BCAS1: variants seen among roughly 807,000 people sequenced by gnomAD.
The protein encoded by BCAS1 is brain enriched myelin associated protein 1.
Under a neutral mutation model 65.4 loss-of-function variants are expected in BCAS1, and 46 were observed. The observed-to-expected ratio is 0.70, with a 90% CI of 0.55 to 0.90. The LOEUF is 0.90. Ranked by LOEUF, BCAS1 falls within the 40% of genes least tolerant of loss-of-function variation. The pLI is 0.00. For missense variants in BCAS1, 793 were observed against 771.2 expected (o/e 1.03, Z -0.33); for synonymous variants, 298 against 293.5 (o/e 1.02, Z -0.16).
At chr20:54,034,481 C>T (rs915075599) in intron 3 of BCAS1, among the ~76,000 whole-genome samples, 4 of 151,214 alleles carry the variant, frequency 2.6e-5, no homozygotes, top group South Asian at 2.1e-4. Flanking sequence ...CATTTCCATG[C>T]ACCAACAACA....
chr20:53,977,579 T>C (rs532857965), intron 8 of BCAS1, among the ~76,000 whole-genome samples: 40 of 152,246 alleles, frequency 2.6e-4, no homozygotes, highest in Non-Finnish European at 5.3e-4. Context: ...TGGTTGTTCA[T>C]TGCTCACTAT....
intron 4 of BCAS1, among the ~76,000 whole-genome samples, chr20:54,011,306 G>A (rs528027078): frequency 4.6e-5 from 7 of 152,044 alleles, no homozygotes; most frequent in Non-Finnish European, 1.0e-4. Context: ...TAGAGAGTGG[G>A]AGAAAATATT....
At chr20:53,991,377 T>A (rs1358788822) in intron 7 of BCAS1, among the ~76,000 whole-genome samples, 2 of 152,260 alleles carry the variant, frequency 1.3e-5, no homozygotes, top group African/African-American at 4.8e-5. Flanking sequence ...CATAGTCTGC[T>A]TACGCAAATA....
At chr20:54,052,267 C>T (rs1175085276) in intron 3 of BCAS1, among the ~76,000 whole-genome samples, 6 of 152,194 alleles carry the variant, frequency 3.9e-5, no homozygotes, top group South Asian at 2.1e-4. Context: ...AGTGTCTCAA[C>T]CAGCCCCAGC....
At position 53,953,663 on chromosome 20, in the gene BCAS1, C is replaced by A. The variant is rs149163647; in HGVS notation, c.1584G>T (p.Pro528=). 6.8e-6 allele frequency: 11 copies of A among 1,613,638 alleles called. No individual in the cohort carries two copies. The highest frequency in any genetic ancestry group is 8.5e-6 in the Non-Finnish European group (10 of 1,179,976). ...GTGCTCCTGTTGGTTCAGGCTCTGG[C>A]GGTGTGATAGTCTTTTCTGTGGAGT... The part of the protein sequence containing the change: ...TSDSTEKTIT[P]PEPEPTGAPQ... The change falls in exon 12 of 13, where the codon CCG becomes CCT. Residue 528 remains proline (P), a synonymous_variant. Transcript: ENST00000688948.
intron 4 of BCAS1, among the ~76,000 whole-genome samples, chr20:54,010,039 T>C (rs144609013): frequency 3.3e-5 from 5 of 152,314 alleles, no homozygotes; most frequent in Admixed American, 6.5e-5. Flanking sequence ...CCATTCATGA[T>C]AAATCTCTAA....
At chr20:54,052,350 T>C (rs1239569605) in intron 3 of BCAS1, among the ~76,000 whole-genome samples, 1 of 152,202 alleles carries the variant, frequency 6.6e-6, no homozygotes, top group Non-Finnish European at 1.5e-5. Context: ...AGTGGAATCA[T>C]GTAGTATGTT....
rs76186201 is a variant in BCAS1 at position 54,014,436 on chromosome 20, T to C, written c.723+13956A>G. ...TGTAATAAGGCCCATATGGAACTTC[T>C]GGCACTTTCTTTCAACTATTGTCAG... is the stretch of plus-strand genomic sequence containing the variant. On this transcript the variant is annotated intron_variant, in intron 4 of 12. Transcript: ENST00000688948. 3.0e-3 allele frequency among the ~76,000 whole-genome samples: 450 copies of C among 152,360 alleles called. 2 individuals carry two copies. The highest frequency in any genetic ancestry group is 0.01 in the African/African-American group (432 of 41,580).
At chr20:53,969,055 T>C (rs1376515195) in intron 9 of BCAS1, among the ~76,000 whole-genome samples, 26 of 152,194 alleles carry the variant, frequency 1.7e-4, no homozygotes, top group Admixed American at 1.7e-3. Flanking sequence ...GAGGCTGAAA[T>C]ATAGGCAATC....
intron 9 of BCAS1, among the ~76,000 whole-genome samples, chr20:53,968,681 G>A (rs1568824740): frequency 6.6e-6 from 1 of 152,132 alleles, no homozygotes; most frequent in Non-Finnish European, 1.5e-5. Context: ...AACGGAAGTT[G>A]GGGGGTTACA....
chr20:54,022,935 C>T (rs566167106), intron 4 of BCAS1, among the ~76,000 whole-genome samples: 1 of 152,264 alleles, frequency 6.6e-6, no homozygotes, highest in Admixed American at 6.5e-5. Context: ...ATCAAAATCC[C>T]AGTGGTATAG....
intron 7 of BCAS1, among the ~76,000 whole-genome samples, chr20:53,986,700 C>A (rs2090623813): frequency 6.6e-6 from 1 of 152,062 alleles, no homozygotes; most frequent in Non-Finnish European, 1.5e-5. Flanking sequence ...GAGTTCAAGA[C>A]CAGCCTGGGC....
At position 53,944,849 on chromosome 20, in the gene BCAS1, T is replaced by G; in HGVS notation, c.*73A>C. On this transcript the variant is annotated 3_prime_UTR_variant, in exon 13 of 13. Coordinates refer to ENST00000688948, the MANE Select transcript of BCAS1 (RefSeq NM_001366298.2). ...CAGAAGAATATATACATGGAGCGTG[T>G]TTGGGGAGGAGATGGAGTAAGGAGA... 4.4e-6 allele frequency: 6 copies of G among 1,348,852 alleles called. No individual in the cohort carries two copies. Among genetic ancestry groups the G allele is most frequent in the Non-Finnish European group, 6.4e-6 (6 of 938,618 alleles). The allele number at this position is 1,348,852 out of a possible 1,614,324, so 83.6% of individuals were successfully genotyped here.
chr20:54,058,496 C>T (rs2092331067), intron 2 of BCAS1, 151 bp downstream of exon 2: 1 of 1,373,382 alleles, frequency 7.3e-7, no homozygotes, highest in Non-Finnish European at 9.7e-7. Flanking sequence ...GATTCTGACA[C>T]CTTTTAGGTT....
chr20:54,030,885 A>C (rs2299708), intron 3 of BCAS1, among the ~76,000 whole-genome samples: 2 of 151,428 alleles, frequency 1.3e-5, no homozygotes, highest in Non-Finnish European at 3.0e-5. Flanking sequence ...AAAATATTAT[A>C]CTAAAGAAGA....
intron 4 of BCAS1, among the ~76,000 whole-genome samples, chr20:54,017,285 GTTC>G (rs1468966699): frequency 6.6e-6 from 1 of 152,088 alleles, no homozygotes; most frequent in African/African-American, 2.4e-5. Context: ...GCAATAAAAT[GTTC>G]TTCTCTTGTT....
chr20:54,053,926 T>C (rs1468338256), intron 3 of BCAS1, among the ~76,000 whole-genome samples: 1 of 152,226 alleles, frequency 6.6e-6, no homozygotes, highest in East Asian at 1.9e-4. Flanking sequence ...AGGCTACTAA[T>C]AAAGACATAC....
At chr20:54,052,872 T>C (rs1568924680) in intron 3 of BCAS1, among the ~76,000 whole-genome samples, 2 of 152,244 alleles carry the variant, frequency 1.3e-5, no homozygotes, top group South Asian at 4.1e-4. Flanking sequence ...TACGAGACCA[T>C]TGTACGGATA....
chr20:54,064,118 G>A (rs2092408154), intron 1 of BCAS1, among the ~76,000 whole-genome samples: 1 of 152,192 alleles, frequency 6.6e-6, no homozygotes, highest in Admixed American at 6.5e-5. Flanking sequence ...TGTGTTATGG[G>A]GGCCCATGCC....
Sources: allele counts gnomAD v4.1 joint callset (sites outside exome capture counted in the v4.1 genomes callset), GRCh38; gene constraint gnomAD v4.1.1; transcripts MANE v1.5; gene names NCBI Gene and HGNC (gene_info 2026-07-23, HGNC 2026-07-21).